DOCK7: variants seen among roughly 807,000 people sequenced by gnomAD.
The protein encoded by DOCK7 is dedicator of cytokinesis protein 7.
DOCK7 carries 138 observed loss-of-function variants against 271.0 expected under a neutral mutation model. That is an observed-to-expected ratio of 0.51 (90% confidence interval 0.44 to 0.59). DOCK7 has a LOEUF of 0.59. Ranked by LOEUF, DOCK7 falls within the 20% of genes least tolerant of loss-of-function variation. The pLI is 0.00. For synonymous variants in DOCK7, 823 were observed against 876.1 expected, an observed-to-expected ratio of 0.94 and a Z score of 1.07; for missense variants, 2,066 against 2,592.4, an observed-to-expected ratio of 0.80 and a Z score of 4.41.
At chr1:62,493,147 GTCTT>G (rs1376841224) in intron 40 of DOCK7, among the ~76,000 whole-genome samples, 1 of 152,082 alleles carries the variant, frequency 6.6e-6, no homozygotes, top group East Asian at 1.9e-4. Flanking sequence ...GACATCAATA[GTCTT>G]TCTTATTTAT....
At chr1:62,553,312 TTATATATATATATATATATATATA>T (rs1370176103) in intron 21 of DOCK7, among the ~76,000 whole-genome samples, 12 of 20,582 alleles carry the variant, frequency 5.8e-4, no homozygotes, top group African/African-American at 2.4e-3. Flanking sequence ...AAAAAGTATT[TTATATATATATATATATATATATA>T]TATATATATA....
intron 1 of DOCK7, among the ~76,000 whole-genome samples, chr1:62,668,924 C>CAA (rs11308465): frequency 4.9e-4 from 56 of 113,344 alleles, no homozygotes; most frequent in African/African-American, 1.6e-3. Context: ...GACCTTGCCT[C>CAA]AAAAAAAAAA....
intron 1 of DOCK7, among the ~76,000 whole-genome samples, chr1:62,681,327 T>A (rs1312036512): frequency 5.0e-5 from 7 of 140,172 alleles, no homozygotes; most frequent in Admixed American, 3.1e-4. Context: ...TAGGTGGGAA[T>A]TGAACAATGA....
At chr1:62,633,132 A>G (rs1654827128) in intron 10 of DOCK7, among the ~76,000 whole-genome samples, 1 of 152,192 alleles carries the variant, frequency 6.6e-6, no homozygotes, top group East Asian at 1.9e-4. Flanking sequence ...AAGTTCTGTC[A>G]ATATCACTAT....
At chr1:62,600,939 A>G (rs1351082823) in intron 14 of DOCK7, 1 of 634,910 alleles carries the variant, frequency 1.6e-6, no homozygotes, top group Non-Finnish European at 2.9e-6. Flanking sequence ...TACAATCTGA[A>G]TAACACTGTT....
chr1:62,529,575 T>G (rs1645115042), intron 29 of DOCK7, 129 bp from the exon 30 acceptor site: 1 of 536,682 alleles, frequency 1.9e-6, no homozygotes, highest in Non-Finnish European at 3.0e-6. Context: ...TGTCATATAT[T>G]TGCATGCATT....
chr1:62,494,215 G>C, intron 40 of DOCK7, 60 bp downstream of exon 40: 1 of 1,421,102 alleles, frequency 7.0e-7, no homozygotes, highest in South Asian at 1.7e-5. Flanking sequence ...ACACCAGTGA[G>C]AAAAGCTAAA....
chr1:62,578,518 G>T (rs1647006651), intron 17 of DOCK7, among the ~76,000 whole-genome samples: 1 of 151,964 alleles, frequency 6.6e-6, no homozygotes, highest in Non-Finnish European at 1.5e-5. Context: ...CCAAGAGTTT[G>T]AGACCAACTT....
At chr1:62,629,473 G>A (rs1654352105) in intron 11 of DOCK7, 1 of 152,134 alleles carries the variant, frequency 6.6e-6, no homozygotes. Context: ...AAAGAAGCTA[G>A]CCACAAAAGA....
intron 1 of DOCK7, among the ~76,000 whole-genome samples, chr1:62,665,736 AAAAG>A (rs1659235976): frequency 6.6e-6 from 1 of 150,754 alleles, no homozygotes; most frequent in African/African-American, 2.4e-5. Flanking sequence ...AAAAAAAAAA[AAAAG>A]GACACAAAAT....
chr1:62,578,707 G>A, intron 17 of DOCK7, 121 bp downstream of exon 17: 1 of 927,952 alleles, frequency 1.1e-6, no homozygotes, highest in South Asian at 2.0e-5. Flanking sequence ...GGGAGACAGA[G>A]ACTCTGTCTC....
chr1:62,648,528 T>A lies in DOCK7; in HGVS notation c.406A>T (p.Thr136Ser), dbSNP rs1656953650. 7.4e-7 allele frequency: 1 copy of A among 1,358,744 alleles called. No homozygotes were observed. 84.2% of individuals were successfully genotyped at this position (1,358,744 alleles called of 1,614,324 possible). A position where few individuals can be genotyped will look rare whatever the true frequency, so the allele number is the denominator to read the frequency against. ...TCTAATGTATTGGGATTAAATCCTG[T>A]TCCCAATTTATGATATCTATTAAAG... Reference protein sequence around the residue: ...IVIRKYHKLGTGFNPNTLDKQ... With the variant: ...IVIRKYHKLGSGFNPNTLDKQ... Residue 136 changes from threonine (T) to serine (S), a missense_variant, in exon 5 of 50, where the codon ACA (threonine) becomes TCA (serine). Thr to Ser is a moderately conservative substitution (Grantham distance 58). Around this residue, in one of 2 missense-constraint regions of DOCK7, gnomAD observed 1,414 missense variants for 1,670.4 expected, o/e 0.85. Transcript: ENST00000635253.
At chr1:62,616,675 T>C (rs1020845614) in intron 14 of DOCK7, among the ~76,000 whole-genome samples, 2 of 151,666 alleles carry the variant, frequency 1.3e-5, no homozygotes, top group African/African-American at 4.8e-5. Flanking sequence ...ATGTATAAGA[T>C]TTCTATGAGA....
intron 11 of DOCK7, chr1:62,629,250 ATATC>A (rs1404677651): frequency 6.6e-6 from 1 of 152,200 alleles, no homozygotes; most frequent in Non-Finnish European, 1.5e-5. Flanking sequence ...ATATATCTAC[ATATC>A]TAAGGAAAAA....
At chr1:62,656,721 T>C (rs1035165667) in intron 2 of DOCK7, among the ~76,000 whole-genome samples, 2 of 151,946 alleles carry the variant, frequency 1.3e-5, no homozygotes, top group Non-Finnish European at 2.9e-5. Context: ...CAAAATTTCT[T>C]TTTGCCTTAT....
intron 48 of DOCK7, among the ~76,000 whole-genome samples, chr1:62,467,898 T>C (rs1208080205): frequency 2.0e-5 from 3 of 152,182 alleles, no homozygotes; most frequent in African/African-American, 4.8e-5. Flanking sequence ...AGCAAAAAGA[T>C]AGTCCACCAT....
At chr1:62,592,907 T>C (rs954299808) in intron 14 of DOCK7, among the ~76,000 whole-genome samples, 11 of 152,180 alleles carry the variant, frequency 7.2e-5, no homozygotes, top group Non-Finnish European at 1.6e-4. Context: ...AAAATATTTA[T>C]ATACATACAT....
At chr1:62,647,189 G>A (rs913955365) in intron 7 of DOCK7, among the ~76,000 whole-genome samples, 5 of 152,132 alleles carry the variant, frequency 3.3e-5, no homozygotes, top group African/African-American at 1.2e-4. Flanking sequence ...CATGAAATAA[G>A]AGAAAGCACT....
At chr1:62,509,173 C>T (rs1315463582) in intron 34 of DOCK7, among the ~76,000 whole-genome samples, 4 of 151,702 alleles carry the variant, frequency 2.6e-5, no homozygotes, top group Admixed American at 1.3e-4. Context: ...ATTATTTGGG[C>T]GTGGTGGTGC....
Sources: allele counts gnomAD v4.1 joint callset (sites outside exome capture counted in the v4.1 genomes callset), GRCh38; gene constraint gnomAD v4.1.1; regional missense constraint gnomAD v4.1.1; transcripts MANE v1.5; gene names NCBI Gene and HGNC (gene_info 2026-07-23, HGNC 2026-07-21).